The following CADM2 variants were observed in gnomAD, a reference collection of about 807,000 sequenced individuals.
The protein encoded by CADM2 is immunoglobulin superfamily member 4D.
A neutral mutation model predicts 49.8 loss-of-function variants in CADM2; 12 were observed. The observed-to-expected ratio is 0.24, with a 90% CI of 0.15 to 0.39. The LOEUF is 0.39. Ranked by LOEUF, CADM2 falls within the 10% of genes least tolerant of loss-of-function variation. The probability of loss-of-function intolerance (pLI) is 1.00; values close to 1 mark genes in which losing one functional copy is unlikely to be tolerated. For synonymous variants in CADM2, 214 were observed against 175.4 expected, an observed-to-expected ratio of 1.22 and a Z score of -1.74; for missense variants, 378 against 492.3, an observed-to-expected ratio of 0.77 and a Z score of 2.20.
chr3:85,677,028 C>T (rs1453567697), intron 1 of CADM2, among the ~76,000 whole-genome samples: 2 of 152,144 alleles, frequency 1.3e-5, no homozygotes, highest in Non-Finnish European at 2.9e-5. Context: ...TGGGAACTCT[C>T]ATTGCTCAGG....
chr3:85,152,747 G>A (rs1410688548), intron 1 of CADM2, among the ~76,000 whole-genome samples: 19 of 152,014 alleles, frequency 1.2e-4, no homozygotes, highest in Admixed American at 1.0e-3. Flanking sequence ...CATGAGGTCA[G>A]GAGATCGAGA....
chr3:85,020,521 A>G (rs1157319619), intron 1 of CADM2, among the ~76,000 whole-genome samples: 1 of 152,236 alleles, frequency 6.6e-6, no homozygotes, highest in East Asian at 1.9e-4. Flanking sequence ...CATAATTTAT[A>G]CTTCACACAT....
intron 2 of CADM2, among the ~76,000 whole-genome samples, chr3:85,742,740 C>G (rs1404872175): frequency 6.6e-6 from 1 of 152,138 alleles, no homozygotes; most frequent in East Asian, 1.9e-4. Flanking sequence ...ATGATCTTAG[C>G]ATTTCAGGTG....
intron 1 of CADM2, among the ~76,000 whole-genome samples, chr3:85,185,619 G>A (rs1414290073): frequency 6.6e-6 from 1 of 151,848 alleles, no homozygotes; most frequent in Non-Finnish European, 1.5e-5. Context: ...TTCCTTCCCT[G>A]GTTATCATGC....
chr3:85,234,644 C>A (rs1027906371), intron 1 of CADM2, among the ~76,000 whole-genome samples: 1 of 152,058 alleles, frequency 6.6e-6, no homozygotes, highest in South Asian at 2.1e-4. Context: ...TCCTTAAGTG[C>A]GAAAAATAGA....
At chr3:85,412,408 C>T (rs2035696138) in intron 1 of CADM2, among the ~76,000 whole-genome samples, 1 of 152,002 alleles carries the variant, frequency 6.6e-6, no homozygotes, top group East Asian at 1.9e-4. Flanking sequence ...TAGAAATTTA[C>T]AATTACAGTT....
chr3:85,159,364 C>T (rs1192690010), intron 1 of CADM2, among the ~76,000 whole-genome samples: 1 of 136,572 alleles, frequency 7.3e-6, no homozygotes, highest in African/African-American at 3.7e-5. Context: ...GAGTTCTGGG[C>T]TAGGGATTTT....
intron 1 of CADM2, among the ~76,000 whole-genome samples, chr3:85,170,574 G>A (rs1040997252): frequency 1.3e-5 from 2 of 152,072 alleles, no homozygotes; most frequent in Non-Finnish European, 2.9e-5. Flanking sequence ...CCAACCTCAA[G>A]CTTCCGTCTC....
chr3:85,649,929 G>A (rs1217869332), intron 1 of CADM2, among the ~76,000 whole-genome samples: 1 of 152,106 alleles, frequency 6.6e-6, no homozygotes, highest in Non-Finnish European at 1.5e-5. Flanking sequence ...GAGAAGTGAG[G>A]ATAATAAAAG....
At chr3:85,796,241 A>C (rs1013737276) in intron 2 of CADM2, among the ~76,000 whole-genome samples, 3 of 152,196 alleles carry the variant, frequency 2.0e-5, no homozygotes, top group African/African-American at 7.2e-5. Flanking sequence ...TCAGGGACCC[A>C]AGAAAAGTGT....
intron 1 of CADM2, among the ~76,000 whole-genome samples, chr3:85,610,138 T>C (rs2063639287): frequency 6.6e-6 from 1 of 151,934 alleles, no homozygotes; most frequent in African/African-American, 2.4e-5. Context: ...ACCATAAGGA[T>C]CTATCTATTT....
intron 1 of CADM2, among the ~76,000 whole-genome samples, chr3:85,541,917 CTG>C (rs780755281): frequency 1.3e-5 from 2 of 151,166 alleles, no homozygotes; most frequent in East Asian, 3.9e-4. Context: ...GGAGTATACA[CTG>C]TGTTTTAAAA....
chr3:85,587,941 A>ATT, intron 1 of CADM2, among the ~76,000 whole-genome samples: 2 of 151,952 alleles, frequency 1.3e-5, no homozygotes, highest in South Asian at 4.1e-4. Flanking sequence ...TTGTTTTTGT[A>ATT]TTTTTTGTAA....
intron 2 of CADM2, among the ~76,000 whole-genome samples, chr3:85,782,284 C>A (rs1255561568): frequency 6.6e-6 from 1 of 152,084 alleles, no homozygotes; most frequent in Non-Finnish European, 1.5e-5. Flanking sequence ...GATCTCTGTT[C>A]ATTTTTTCTG....
At chr3:85,170,001 C>T (rs1184983348) in intron 1 of CADM2, among the ~76,000 whole-genome samples, 1 of 151,960 alleles carries the variant, frequency 6.6e-6, no homozygotes, top group African/African-American at 2.4e-5. Flanking sequence ...TATGTGTTTC[C>T]CCTGTGCTAA....
chr3:85,655,244 T>C (rs2065161713), intron 1 of CADM2, among the ~76,000 whole-genome samples: 1 of 151,788 alleles, frequency 6.6e-6, no homozygotes, highest in Non-Finnish European at 1.5e-5. Flanking sequence ...AATCTCTACC[T>C]CCCAGGTTCA....
chr3:85,107,603 C>T (rs1022745588), intron 1 of CADM2, among the ~76,000 whole-genome samples: 136 of 148,874 alleles, frequency 9.1e-4, no homozygotes, highest in South Asian at 2.8e-3. Context: ...CTTTCTTTCT[C>T]TTTCTTTTTC....
intron 3 of CADM2, among the ~76,000 whole-genome samples, chr3:85,837,302 T>G (rs749125835): frequency 6.6e-6 from 1 of 151,718 alleles, no homozygotes; most frequent in Non-Finnish European, 1.5e-5. Context: ...AACTGGATAA[T>G]GTAATGTTTT....
chr3:85,805,236 G>T (rs1435636822), intron 3 of CADM2, among the ~76,000 whole-genome samples: 2 of 152,140 alleles, frequency 1.3e-5, no homozygotes, highest in Non-Finnish European at 2.9e-5. Flanking sequence ...GAGCCACCGT[G>T]CCGGGCCAGG....
Sources: gnomAD v4.1 joint callset for allele counts (sites outside exome capture counted in the v4.1 genomes callset) on GRCh38, gnomAD v4.1.1 for gene constraint, MANE v1.5 for transcripts, NCBI Gene and HGNC (gene_info 2026-07-23, HGNC 2026-07-21) for gene names.